Variants in CREBZF observed in about 807,000 individuals in gnomAD.
CREBZF encodes CREB/ATF bZIP transcription factor.
In CREBZF, 8 loss-of-function variants were observed where a neutral mutation model predicts 21.1. That is an observed-to-expected ratio of 0.38 (90% CI 0.22 to 0.68). The LOEUF is 0.68. Among genes scored for constraint, CREBZF ranks in the 30% least tolerant of loss-of-function variants. The pLI is 0.51. For missense variants in CREBZF, 518 were observed against 484.3 expected (o/e 1.07, Z -0.65); for synonymous variants, 270 against 223.3 (o/e 1.21, Z -1.86).
At chr11:85,682,645 A>C in intron 1 of CREBZF, 7 of 360,232 alleles carry the variant, frequency 1.9e-5, no homozygotes, top group African/African-American at 2.7e-5. Flanking sequence ...CTTCCCCCAT[A>C]TAACGTGGAG....
At position 85,660,616 on chromosome 11, in the gene CREBZF, G is replaced by T; in HGVS notation, c.*3195C>A. 1 of 453,662 alleles carries T rather than the reference G, an allele frequency of 2.2e-6. No homozygotes were observed. Among genetic ancestry groups the T allele is most frequent in the South Asian group, 1.6e-5 (1 of 64,032 alleles). The allele number at this position is 453,662 out of a possible 1,614,324, so 28.1% of individuals were successfully genotyped here. On this transcript the variant is annotated 3_prime_UTR_variant, in exon 1 of 1. Transcript: ENST00000527447. ...TGCTAAGCTGTTCAAAGAGAAGAGA[G>T]AGAGATTAATTTAGTGATTATAAAA...
chr11:85,671,718 G>C lies in CREBZF; in HGVS notation n.148-8117C>G, dbSNP rs570213371. On this transcript the variant is annotated intron_variant and non_coding_transcript_variant, in intron 1 of 3. Coordinates refer to the CREBZF transcript ENST00000531515. ...CTTTGACTCCATGTCTCACACCCAA[G>C]TCACATTGACATAAGAGGTGGGTTC... is the stretch of plus-strand genomic sequence containing the variant. Among the ~76,000 whole-genome samples, 7 of 152,348 alleles carry C rather than the reference G, an allele frequency of 4.6e-5. No homozygotes were observed. In the South Asian group the frequency reaches 1.2e-3, roughly 27 times the overall value.
Position 85,664,062 on chromosome 11 carries a change from C to T in CREBZF, c.814G>A (p.Ala272Thr). The change falls in exon 1 of 1, where the codon GCC becomes ACC. Residue 272 changes from alanine (A) to threonine (T), a missense_variant. By Grantham distance (58) the Ala-to-Thr change is moderately conservative. Around this residue, in one of 3 missense-constraint regions of CREBZF, gnomAD observed 114 missense variants for 134.1 expected, o/e 0.85. Transcript: ENST00000527447. This position sits in a 1 kb window ranked among gnomAD's most constrained non-coding sequence, Gnocchi z 5.5. ...EESRYLRAVL[A>T]NETGLARLLS... Reference sequence around the variant, plus strand: ...AAGCGAGCCAGTCCAGTCTCGTTGGCTAAGACTGCCCGTAGGTAGCGACTC... The same window carrying T: ...AAGCGAGCCAGTCCAGTCTCGTTGGTTAAGACTGCCCGTAGGTAGCGACTC... The T allele has an allele frequency of 1.2e-6, 2 of 1,613,728 alleles. No individual in the cohort carries two copies. Among genetic ancestry groups the T allele is most frequent in the Non-Finnish European group, 1.7e-6 (2 of 1,180,046 alleles).
upstream of CREBZF, among the ~76,000 whole-genome samples, chr11:85,669,244 T>C (rs905170750): frequency 6.6e-6 from 1 of 151,950 alleles, no homozygotes; most frequent in African/African-American, 2.4e-5. Context: ...ACCCTGTACA[T>C]TGGGTTTTTT....
intron 1 of CREBZF, among the ~76,000 whole-genome samples, chr11:85,673,855 C>T (rs1222993451): frequency 6.6e-6 from 1 of 152,202 alleles, no homozygotes; most frequent in East Asian, 1.9e-4. Context: ...ACAGCATCTT[C>T]ACCAGAAATA....
chr11:85,670,730 TAGA>T (rs1022843475), intron 1 of CREBZF, among the ~76,000 whole-genome samples: 7 of 152,304 alleles, frequency 4.6e-5, no homozygotes, highest in African/African-American at 1.2e-4. Flanking sequence ...CTCGATAGAT[TAGA>T]AGAAGAGGTT....
At chr11:85,672,100 G>C (rs1468228350) in intron 1 of CREBZF, among the ~76,000 whole-genome samples, 1 of 152,210 alleles carries the variant, frequency 6.6e-6, no homozygotes, top group Admixed American at 6.5e-5. Flanking sequence ...CTTGACTTCT[G>C]TGCACCCACA....
In CREBZF at chr11:85,665,036, CCGCGCCAAGGCGCGGG is replaced by C. The variant is rs1278673080; in HGVS notation, c.-177_-162del. ...CCGCCTCACTTGGCTAGTCGACCCC[CCGCGCCAAGGCGCGGG>C]GAGGGACGGGAGAACGAAGCGGTGA... On this transcript the variant is annotated 5_prime_UTR_variant, in exon 1 of 1. Coordinates refer to ENST00000527447, the MANE Select transcript of CREBZF (RefSeq NM_001039618.4). 1.9e-5 allele frequency: 9 copies of C among 476,068 alleles called. No homozygotes were observed. In the Admixed American group the frequency reaches 3.6e-4, roughly 19 times the overall value. The allele number at this position is 476,068 out of a possible 1,614,324, so 29.5% of individuals were successfully genotyped here.
rs2082834305 is a variant in CREBZF at position 85,665,054 on chromosome 11, A to ATT, written c.-180_-179insAA. On this transcript the variant is annotated 5_prime_UTR_variant, in exon 1 of 1. Coordinates refer to ENST00000527447, the MANE Select transcript of CREBZF (RefSeq NM_001039618.4). ...CGACCCCCCGCGCCAAGGCGCGGGG[A>ATT]GGGACGGGAGAACGAAGCGGTGAGG... is the stretch of plus-strand genomic sequence containing the variant. 2.2e-6 allele frequency: 1 copy of ATT among 444,812 alleles called. No individual in the cohort carries two copies. The highest frequency in any genetic ancestry group is 4.0e-6 in the Non-Finnish European group (1 of 251,448). The allele number at this position is 444,812 out of a possible 1,614,324, so 27.6% of individuals were successfully genotyped here. A position where few individuals can be genotyped will look rare whatever the true frequency, so the allele number is the denominator to read the frequency against.
At chr11:85,677,279 GT>G (rs2082949132) in intron 1 of CREBZF, among the ~76,000 whole-genome samples, 1 of 151,628 alleles carries the variant, frequency 6.6e-6, no homozygotes, top group East Asian at 2.0e-4. Context: ...TCATTTTTTT[GT>G]GTAGCCACAA....
intron 1 of CREBZF, among the ~76,000 whole-genome samples, chr11:85,679,872 T>C (rs1395313195): frequency 6.6e-6 from 1 of 152,240 alleles, no homozygotes; most frequent in African/African-American, 2.4e-5. Flanking sequence ...TTGAATTGCC[T>C]AAACAGAAAT....
At position 85,658,604 on chromosome 11, in the gene CREBZF, A is replaced by C. The variant is rs1440247794; in HGVS notation, c.*5207T>G. Among the ~76,000 whole-genome samples, 1 of 151,992 alleles carries C rather than the reference A, an allele frequency of 6.6e-6. No individual in the cohort carries two copies. The highest frequency in any genetic ancestry group is 6.6e-5 in the Admixed American group (1 of 15,250). ...ATTTCAGTCTAGTCACTGTAGACAAACTATTTAAATCTTTTATAATTTACT... is the reference window on the plus strand; with the variant it reads ...ATTTCAGTCTAGTCACTGTAGACAACCTATTTAAATCTTTTATAATTTACT... On this transcript the variant is annotated 3_prime_UTR_variant, in exon 1 of 1. Coordinates refer to ENST00000527447, the MANE Select transcript of CREBZF (RefSeq NM_001039618.4).
At chr11:85,677,322 G>C (rs1216906588) in intron 1 of CREBZF, among the ~76,000 whole-genome samples, 2 of 152,082 alleles carry the variant, frequency 1.3e-5, no homozygotes, top group African/African-American at 2.4e-5. Context: ...AATTATTATG[G>C]ATTTCTTGAT....
rs2082690574 is a variant in CREBZF, at chr11:85,661,855, T to C, written c.*1956A>G. ...ATATACAAAATGTTCAAGTATTAGT[T>C]AAATTTCAATTCAAGGCTTCTGTTT... On this transcript the variant is annotated 3_prime_UTR_variant, in exon 1 of 1. Transcript: ENST00000527447. 6.6e-6 allele frequency: 1 copy of C among 152,288 alleles called. No homozygotes were observed. Among genetic ancestry groups the C allele is most frequent in the Non-Finnish European group, 1.5e-5 (1 of 67,948 alleles). 9.4% of individuals were successfully genotyped at this position (152,288 alleles called of 1,614,324 possible).
At chr11:85,682,606 T>A in intron 1 of CREBZF, 4 of 204,620 alleles carry the variant, frequency 2.0e-5, no homozygotes, top group East Asian at 6.8e-5. Context: ...CCTGCCCTAC[T>A]CCCCCCAACG....
upstream of CREBZF, among the ~76,000 whole-genome samples, chr11:85,667,743 A>C (rs2082882347): frequency 6.6e-6 from 1 of 152,158 alleles, no homozygotes; most frequent in Admixed American, 6.5e-5. Context: ...GGAGCACTTA[A>C]GGTCAGGAGT....
At chr11:85,669,406 AC>A (rs2082896223), upstream of CREBZF, among the ~76,000 whole-genome samples, 1 of 51,900 alleles carries the variant, frequency 1.9e-5, no homozygotes, top group African/African-American at 1.0e-4. Context: ...CATTCTACAC[AC>A]ACACACACAC....
At chr11:85,667,196 C>G (rs1040206656), upstream of CREBZF, among the ~76,000 whole-genome samples, 2 of 149,218 alleles carry the variant, frequency 1.3e-5, no homozygotes, top group African/African-American at 2.5e-5. Flanking sequence ...ACCAACCCCC[C>G]ACCCCCCGCC....
In CREBZF at chr11:85,662,659, A is replaced by T; in HGVS notation, c.*1152T>A. Reference sequence around the variant, plus strand: ...TCATTTAAGTGGCCAGAACCACTCAATTTAAAAAATTATTTTAAAATAGGA... The same window carrying T: ...TCATTTAAGTGGCCAGAACCACTCATTTTAAAAAATTATTTTAAAATAGGA... On this transcript the variant is annotated 3_prime_UTR_variant, in exon 1 of 1. Transcript: ENST00000527447. The T allele has an allele frequency of 2.4e-6, 1 of 408,746 alleles. No individual in the cohort carries two copies. Among genetic ancestry groups the T allele is most frequent in the Non-Finnish European group, 4.4e-6 (1 of 229,396 alleles). 25.3% of individuals were successfully genotyped at this position (408,746 alleles called of 1,614,324 possible).
Sources: allele counts gnomAD v4.1 joint callset (sites outside exome capture counted in the v4.1 genomes callset), GRCh38; gene constraint gnomAD v4.1.1; regional missense constraint gnomAD v4.1.1; non-coding constraint Gnocchi (gnomAD v3.1); transcripts MANE v1.5; gene names NCBI Gene and HGNC (gene_info 2026-07-23, HGNC 2026-07-21).